GPLD1: variants seen among roughly 807,000 people sequenced by gnomAD.
The protein encoded by GPLD1 is glycosylphosphatidylinositol specific phospholipase D1, also known as phosphatidylinositol-glycan-specific phospholipase D.
Under a neutral mutation model 112.6 loss-of-function variants are expected in GPLD1, and 84 were observed. That is an observed-to-expected ratio of 0.75 (90% confidence interval 0.63 to 0.89). The LOEUF is 0.89. GPLD1 is among the 40% of genes least tolerant of loss of function. GPLD1 has a pLI of 0.00. For synonymous variants in GPLD1, 386 were observed against 403.8 expected, an observed-to-expected ratio of 0.96 and a Z score of 0.53; for missense variants, 1,044 against 1,051.5, an observed-to-expected ratio of 0.99 and a Z score of 0.10.
intron 11 of GPLD1, among the ~76,000 whole-genome samples, chr6:24,461,195 G>A (rs1205327736): frequency 1.3e-5 from 2 of 152,138 alleles, no homozygotes; most frequent in Admixed American, 6.6e-5. Context: ...GACAACAGCC[G>A]TAAGTGACGG....
intron 8 of GPLD1, 49 bp downstream of exon 8, chr6:24,467,117 AG>A (rs1167197550): frequency 2.5e-6 from 3 of 1,184,736 alleles, no homozygotes; most frequent in African/African-American, 3.0e-5. Context: ...AACTGTGCAA[AG>A]GAAGTCACAA....
chr6:24,428,017 G>A lies in GPLD1; in HGVS notation c.*1015C>T, dbSNP rs544616620. 6.6e-6 allele frequency among the ~76,000 whole-genome samples: 1 copy of A among 152,060 alleles called. No homozygotes were observed. Among genetic ancestry groups the A allele is most frequent in the East Asian group, 1.9e-4 (1 of 5,164 alleles). On this transcript the variant is annotated 3_prime_UTR_variant, in exon 25 of 25. Coordinates refer to ENST00000230036, the MANE Select transcript of GPLD1 (RefSeq NM_001503.4). Reference sequence around the variant, plus strand: ...GTCTACTTGAGTGGGGAAGGTGGGAGGAACAGAAAAGATAAAACCTTCACA... The same window carrying A: ...GTCTACTTGAGTGGGGAAGGTGGGAAGAACAGAAAAGATAAAACCTTCACA...
At chr6:24,478,143 T>C (rs928887671) in intron 3 of GPLD1, among the ~76,000 whole-genome samples, 4 of 152,138 alleles carry the variant, frequency 2.6e-5, no homozygotes, top group Non-Finnish European at 4.4e-5. Flanking sequence ...TGGACAAAAA[T>C]ATCCTTTCTT....
At chr6:24,432,265 AAAAG>A (rs1189787334) in intron 24 of GPLD1, among the ~76,000 whole-genome samples, 2 of 151,256 alleles carry the variant, frequency 1.3e-5, no homozygotes, top group East Asian at 3.9e-4. Flanking sequence ...AAAAAAAAAA[AAAAG>A]GTGTGTGTGT....
rs569388430 is a variant in GPLD1, at chr6:24,489,443, C to A, written c.69G>T (p.Pro23=). 2.5e-6 allele frequency: 4 copies of A among 1,612,988 alleles called. No homozygotes were observed. The East Asian group carries it at 6.7e-5, about 27-fold the overall frequency. ...MLGSLCHRGS[P]CGLSTHVEIG... Reference sequence around the variant, plus strand: ...TTTCTACGTGTGTTGAAAGGCCACACGGTGAACCTCTATGGCAGAGAGAAC... The same window carrying A: ...TTTCTACGTGTGTTGAAAGGCCACAAGGTGAACCTCTATGGCAGAGAGAAC... The change falls in exon 1 of 25, where the codon CCG becomes CCT. Residue 23 remains proline, a synonymous_variant. Transcript: ENST00000230036.
At position 24,433,104 on chromosome 6, in the gene GPLD1, GA is replaced by G. The variant is rs1278459435; in HGVS notation, c.2436+82del. 45 of 908,342 alleles carry G rather than the reference GA, an allele frequency of 5.0e-5. No individual in the cohort carries two copies. The African/African-American group carries it at 6.2e-4, about 12-fold the overall frequency. 56.3% of individuals were successfully genotyped at this position (908,342 alleles called of 1,614,324 possible). ...TCCTTTTCAAATAAAAATAAAATCT[GA>G]AATAAACCTAACAAGTGAGACCACC... On this transcript the variant is annotated intron_variant, in intron 24 of 24. Transcript: ENST00000230036.
chr6:24,457,698 T>C (rs551345282), intron 12 of GPLD1, among the ~76,000 whole-genome samples: 2 of 151,684 alleles, frequency 1.3e-5, no homozygotes, highest in Non-Finnish European at 2.9e-5. Flanking sequence ...CTGGCCAATA[T>C]AGTAAAACCC....
Position 24,425,890 on chromosome 6 carries a change from A to G in GPLD1, c.*3142T>C, listed in dbSNP as rs961413576. ...TATTCCAAGAGTTGTATACAGCTTT[A>G]TTTTTTGGAATTGCAATATTAAAGT... On this transcript the variant is annotated 3_prime_UTR_variant, in exon 25 of 25. Coordinates refer to ENST00000230036, the MANE Select transcript of GPLD1 (RefSeq NM_001503.4). 6 of 152,188 alleles carry G rather than the reference A, an allele frequency of 3.9e-5. No homozygotes were observed. The highest frequency in any genetic ancestry group is 9.7e-5 in the African/African-American group (4 of 41,446). The allele number at this position is 152,188 out of a possible 1,614,324, so 9.4% of individuals were successfully genotyped here.
At chr6:24,476,994 A>G (rs1006942941) in intron 3 of GPLD1, among the ~76,000 whole-genome samples, 2 of 152,078 alleles carry the variant, frequency 1.3e-5, no homozygotes, top group African/African-American at 4.8e-5. Flanking sequence ...TAAAGTAAAA[A>G]TTGCCGAACC....
Position 24,475,202 on chromosome 6 carries a change from AAAC to A in GPLD1, c.357_359del (p.Leu119del). The stretch of plus-strand genomic sequence containing the variant: ...CTGCCGCCATGTGAGAAGTAATTCC[AAAC>A]AAGAAAGCTACCAGTTTCTCTGTGT... On this transcript the variant is annotated inframe_deletion, in exon 5 of 25. Transcript: ENST00000230036. 6.2e-7 allele frequency: 1 copy of A among 1,611,022 alleles called. No individual in the cohort carries two copies.
intron 14 of GPLD1, among the ~76,000 whole-genome samples, chr6:24,452,491 C>T (rs193003036): frequency 1.8e-4 from 28 of 152,208 alleles, no homozygotes; most frequent in Admixed American, 1.2e-3. Flanking sequence ...AAAGCGTGTT[C>T]ATGGCTGGGC....
intron 24 of GPLD1, among the ~76,000 whole-genome samples, chr6:24,431,085 C>A (rs998793528): frequency 6.6e-6 from 1 of 152,144 alleles, no homozygotes; most frequent in Non-Finnish European, 1.5e-5. Flanking sequence ...TCCCTGTGAT[C>A]AGACCTTCCG....
chr6:24,429,737 G>A (rs793682), intron 24 of GPLD1, among the ~76,000 whole-genome samples: 74,865 of 151,864 alleles, frequency 0.49, 20,536 homozygotes, highest in Non-Finnish European at 0.63. Flanking sequence ...TAGTAGAGAC[G>A]AGCTCTCACC....
chr6:24,482,699 C>G (rs574071920), intron 2 of GPLD1, among the ~76,000 whole-genome samples: 2 of 151,626 alleles, frequency 1.3e-5, no homozygotes, highest in African/African-American at 4.8e-5. Context: ...TGGTGCACAC[C>G]TGTAATTCCA....
At chr6:24,453,970 G>C in intron 14 of GPLD1, 45 bp downstream of exon 14, 1 of 1,244,992 alleles carries the variant, frequency 8.0e-7, no homozygotes, top group Non-Finnish European at 1.1e-6. Context: ...AAATGCAAGA[G>C]TAGCTACTAA....
rs531555029 is a variant in GPLD1 at position 24,434,613 on chromosome 6, G to A, written c.2359-1224C>T. On this transcript the variant is annotated intron_variant, in intron 22 of 24. Transcript: ENST00000230036. Reference sequence around the variant, plus strand: ...TTTATTTTAAGACAGGGTCTTGGGCGGATCACGAGGTCAGGAGATCAAGAC... The same window carrying A: ...TTTATTTTAAGACAGGGTCTTGGGCAGATCACGAGGTCAGGAGATCAAGAC... 2.6e-3 allele frequency among the ~76,000 whole-genome samples: 394 copies of A among 151,710 alleles called. 1 individual carries two copies. The highest frequency in any genetic ancestry group is 3.3e-3 in the Non-Finnish European group (227 of 67,946).
upstream of GPLD1, among the ~76,000 whole-genome samples, chr6:24,492,346 C>T (rs578142685): frequency 2.0e-5 from 3 of 151,352 alleles, no homozygotes; most frequent in African/African-American, 7.3e-5. Flanking sequence ...CTCTACTAAA[C>T]AATACAAAAA....
intron 22 of GPLD1, 196 bp from the exon 23 acceptor site, chr6:24,433,585 C>T: frequency 2.0e-6 from 1 of 491,538 alleles, no homozygotes; most frequent in Non-Finnish European, 3.6e-6. Context: ...CTCTGCCTCC[C>T]AGGTTCAAGC....
rs1182458289 is a variant in GPLD1 at position 24,426,509 on chromosome 6, C to T, written c.*2523G>A. On this transcript the variant is annotated 3_prime_UTR_variant, in exon 25 of 25. Coordinates refer to ENST00000230036, the MANE Select transcript of GPLD1 (RefSeq NM_001503.4). ...TGCTTCCATTTTTGTGGGTCTTAAC[C>T]TCCACCTGGTGCTTGCTATTGGGTG... Among the ~76,000 whole-genome samples the T allele has an allele frequency of 5.3e-5, 8 of 152,116 alleles. No homozygotes were observed. The highest frequency in any genetic ancestry group is 1.0e-4 in the Non-Finnish European group (7 of 68,032).
Sources: allele counts gnomAD v4.1 joint callset (sites outside exome capture counted in the v4.1 genomes callset), GRCh38; gene constraint gnomAD v4.1.1; transcripts MANE v1.5; gene names NCBI Gene and HGNC (gene_info 2026-07-23, HGNC 2026-07-21).